Variants in CAMTA1 observed in about 807,000 individuals in gnomAD.
CAMTA1 encodes the protein calmodulin-binding transcription activator 1.
CAMTA1 carries 27 observed loss-of-function variants against 170.9 expected under a neutral mutation model. That is an observed-to-expected ratio of 0.16 (90% CI 0.12 to 0.22). The LOEUF (loss-of-function observed/expected upper bound fraction) is 0.22. Among genes scored for constraint, CAMTA1 ranks in the 10% least tolerant of loss-of-function variants. The pLI, the probability that CAMTA1 is intolerant of heterozygous loss-of-function variation, is 1.00. For missense variants in CAMTA1, 1,619 were observed against 2,217.2 expected (o/e 0.73, Z 5.42); for synonymous variants, 833 against 891.5 (o/e 0.93, Z 1.17).
chr1:7,046,061 G>A (rs1018962867), intron 3 of CAMTA1, among the ~76,000 whole-genome samples: 7 of 152,170 alleles, frequency 4.6e-5, no homozygotes, highest in Non-Finnish European at 8.8e-5. Flanking sequence ...GGTTGGGAGG[G>A]GACCCCTTCA....
At chr1:7,419,029 C>T (rs967104668) in intron 5 of CAMTA1, among the ~76,000 whole-genome samples, 9 of 152,342 alleles carry the variant, frequency 5.9e-5, no homozygotes, top group South Asian at 2.1e-4. Flanking sequence ...CCAGTCACTG[C>T]GGCCTCTGTA....
At chr1:7,727,525 T>A (rs2096699352) in intron 11 of CAMTA1, among the ~76,000 whole-genome samples, 1 of 152,226 alleles carries the variant, frequency 6.6e-6, no homozygotes, top group South Asian at 2.1e-4. Flanking sequence ...TTCTAAGTAC[T>A]CCCTACTGCC....
In CAMTA1 at chr1:7,680,548, C is replaced by A. The variant is rs552652104; in HGVS notation, c.2914+2815C>A. ...CGCCGCGCCCCGCGGGGTCTGGGGC[C>A]CCAGCAGGGACTGCGAGGACCGCGG... On this transcript the variant is annotated intron_variant, in intron 11 of 22. Coordinates refer to ENST00000303635, the MANE Select transcript of CAMTA1 (RefSeq NM_015215.4). The surrounding 1 kb of genome is among the most constrained non-coding windows in gnomAD (Gnocchi z 4.4). 1.7e-3 allele frequency among the ~76,000 whole-genome samples: 255 copies of A among 151,762 alleles called. 1 individual carries two copies. Among genetic ancestry groups the A allele is most frequent in the South Asian group, 3.1e-3 (15 of 4,828 alleles).
Position 7,293,353 on chromosome 1 carries a change from A to G in CAMTA1, c.438+43727A>G, listed in dbSNP as rs1673437221. 6.6e-6 allele frequency among the ~76,000 whole-genome samples: 1 copy of G among 152,078 alleles called. No homozygotes were observed. Among genetic ancestry groups the G allele is most frequent in the Admixed American group, 6.5e-5 (1 of 15,274 alleles). On this transcript the variant is annotated intron_variant, in intron 5 of 22. Coordinates refer to ENST00000303635, the MANE Select transcript of CAMTA1 (RefSeq NM_015215.4). The surrounding 1 kb of genome is among the most constrained non-coding windows in gnomAD (Gnocchi z 4.1). ...GAGAATCATTCCTTCCTGCACCTGG[A>G]CACTGTTTCAGGGCTGGCATTTCTC... is the stretch of plus-strand genomic sequence containing the variant.
intron 5 of CAMTA1, among the ~76,000 whole-genome samples, chr1:7,344,405 G>C (rs2084071457): frequency 6.6e-6 from 1 of 152,226 alleles, no homozygotes; most frequent in African/African-American, 2.4e-5. Flanking sequence ...AGGCTGGCTG[G>C]ATTAGAAGGC....
chr1:6,876,858 T>C (rs985354302), intron 3 of CAMTA1, among the ~76,000 whole-genome samples: 2 of 152,186 alleles, frequency 1.3e-5, no homozygotes, highest in Non-Finnish European at 2.9e-5. Context: ...CACTGAATAG[T>C]ACAGAATGTT....
At chr1:7,265,479 A>G (rs556234060) in intron 5 of CAMTA1, among the ~76,000 whole-genome samples, 12 of 151,938 alleles carry the variant, frequency 7.9e-5, no homozygotes. Flanking sequence ...ATGCCTGGCT[A>G]ATTTTTGTAT....
intron 6 of CAMTA1, among the ~76,000 whole-genome samples, chr1:7,618,944 A>G (rs1338218108): frequency 6.6e-6 from 1 of 152,030 alleles, no homozygotes; most frequent in Non-Finnish European, 1.5e-5. Context: ...ATCCCAAATT[A>G]GACATAGGGA....
At chr1:7,139,201 A>G (rs958580992) in intron 4 of CAMTA1, among the ~76,000 whole-genome samples, 36 of 102,600 alleles carry the variant, frequency 3.5e-4, no homozygotes, top group Non-Finnish European at 6.3e-4. Flanking sequence ...TATATTTATA[A>G]TATTTATAAA....
At chr1:7,734,654 C>T (rs1268613010) in intron 12 of CAMTA1, among the ~76,000 whole-genome samples, 1 of 152,060 alleles carries the variant, frequency 6.6e-6, no homozygotes, top group Non-Finnish European at 1.5e-5. Flanking sequence ...GGTCAGTTTG[C>T]GGCATGTTGG....
In CAMTA1 at chr1:7,502,280, GC is replaced by G. The variant is rs2094018803; in HGVS notation, c.510+34380del. Among the ~76,000 whole-genome samples, 3 of 152,240 alleles carry G rather than the reference GC, an allele frequency of 2.0e-5. 1 individual carries two copies. The South Asian group carries it at 6.2e-4, about 31-fold the overall frequency. On this transcript the variant is annotated intron_variant, in intron 6 of 22. Transcript: ENST00000303635. ...AACCCAGTCTTCATGCAGAGAAGCG[GC>G]TTTGGAGGAAGTGTGTCCTTTGCTC...
chr1:6,789,802 A>G (rs1569805472), intron 1 of CAMTA1, among the ~76,000 whole-genome samples: 1 of 112,034 alleles, frequency 8.9e-6, no homozygotes, highest in South Asian at 2.9e-4. Flanking sequence ...ATTTTAGTGT[A>G]TCTTTTTTTT....
intron 7 of CAMTA1, among the ~76,000 whole-genome samples, chr1:7,649,854 G>C (rs1174787690): frequency 2.0e-5 from 3 of 152,206 alleles, no homozygotes; most frequent in African/African-American, 7.2e-5. Context: ...ATGCAGAGCT[G>C]ATGCTGAGCC....
chr1:7,009,933 C>T (rs1478791366), intron 3 of CAMTA1, among the ~76,000 whole-genome samples: 5 of 152,192 alleles, frequency 3.3e-5, no homozygotes, highest in Non-Finnish European at 5.9e-5. Flanking sequence ...GGGAGCTCCC[C>T]ATTTGAGCTC....
chr1:7,493,072 C>CAA (rs545407327), intron 6 of CAMTA1, among the ~76,000 whole-genome samples: 1 of 134,480 alleles, frequency 7.4e-6, no homozygotes, highest in African/African-American at 2.9e-5. Flanking sequence ...CGCACACACA[C>CAA]AGACATACAA....
At chr1:7,687,629 C>T (rs1038379662) in intron 11 of CAMTA1, among the ~76,000 whole-genome samples, 3 of 152,214 alleles carry the variant, frequency 2.0e-5, no homozygotes. Flanking sequence ...AAGGCCCCGT[C>T]CCCTGCTTTT....
intron 4 of CAMTA1, among the ~76,000 whole-genome samples, chr1:7,177,589 T>C (rs1295145272): frequency 9.1e-6 from 1 of 110,388 alleles, no homozygotes; most frequent in East Asian, 3.1e-4. Flanking sequence ...ACTCTCCCCA[T>C]ACCGAGGCCC....
chr1:6,968,859 A>C (rs1183000545), intron 3 of CAMTA1, among the ~76,000 whole-genome samples: 1 of 152,070 alleles, frequency 6.6e-6, no homozygotes, highest in Non-Finnish European at 1.5e-5. Flanking sequence ...AGAATGCGGG[A>C]TGTGACTAGG....
At chr1:7,142,736 G>T (rs1645960426) in intron 4 of CAMTA1, among the ~76,000 whole-genome samples, 1 of 152,188 alleles carries the variant, frequency 6.6e-6, no homozygotes, top group South Asian at 2.1e-4. Context: ...AATGGGAGCA[G>T]CCTGAGGCCC....
Sources: allele counts gnomAD v4.1 joint callset (sites outside exome capture counted in the v4.1 genomes callset), GRCh38; gene constraint gnomAD v4.1.1; non-coding constraint Gnocchi (gnomAD v3.1); transcripts MANE v1.5; gene names NCBI Gene and HGNC (gene_info 2026-07-23, HGNC 2026-07-21).